The following ABCB9 variants were observed in gnomAD, a reference collection of about 807,000 sequenced individuals.
ABCB9 encodes the protein ABC-type oligopeptide transporter ABCB9.
In ABCB9, 36 loss-of-function variants were observed where a neutral mutation model predicts 62.0. That is an observed-to-expected ratio of 0.58 (90% CI 0.45 to 0.77). The LOEUF (loss-of-function observed/expected upper bound fraction) is 0.77, where lower values mean the gene tolerates loss of function less well. ABCB9 is among the 30% of genes least tolerant of loss of function. ABCB9 has a pLI of 0.00. For synonymous variants in ABCB9, 435 were observed against 461.4 expected, an observed-to-expected ratio of 0.94 and a Z score of 0.73; for missense variants, 943 against 1,054.7, an observed-to-expected ratio of 0.89 and a Z score of 1.47.
In ABCB9 at chr12:122,959,743, G is replaced by A; in HGVS notation, c.493C>T (p.Pro165Ser). ...GTGGCCCCAGACGCCTGCTCGGGCG[G>A]TGGCCGGCCGCTCCCAGGGAAGCCC... ...AEGFPGSGRP[P>S]PEQASGATLQ... The change falls in exon 2 of 12, where the codon CCG becomes TCG. Residue 165 changes from proline to serine, a missense_variant. By Grantham distance (74) the Pro-to-Ser change is moderately conservative (BLOSUM62 -1). Transcript: ENST00000280560. The surrounding 1 kb of genome is among the most constrained non-coding windows in gnomAD (Gnocchi z 5.4). 6.2e-7 allele frequency: 1 copy of A among 1,611,404 alleles called. No individual in the cohort carries two copies. Among genetic ancestry groups the A allele is most frequent in the South Asian group, 1.1e-5 (1 of 91,002 alleles).
At chr12:122,924,889 T>C (rs1366434542), downstream of ABCB9, 4 of 1,406,910 alleles carry the variant, frequency 2.8e-6, no homozygotes, top group Admixed American at 5.9e-5. Context: ...AAGTCATAAC[T>C]CTCCACACCC....
chr12:122,922,202 T>C (rs1232077304), intron 11 of ABCB9, among the ~76,000 whole-genome samples: 1 of 152,176 alleles, frequency 6.6e-6, no homozygotes, highest in Admixed American at 6.6e-5. Flanking sequence ...TGCCAGGGTT[T>C]GTTTAGTTTG....
chr12:122,929,901 G>C lies in ABCB9; in HGVS notation c.*10C>G. The stretch of plus-strand genomic sequence containing the variant: ...TCCTCTGCCCCACCGGGAGAAGCAG[G>C]GGCCCCCCATCAGGCCTTGTGACTG... On this transcript the variant is annotated 3_prime_UTR_variant, in exon 12 of 12. Transcript: ENST00000280560. This position sits in a 1 kb window ranked among gnomAD's most constrained non-coding sequence, Gnocchi z 6.0. The C allele has an allele frequency of 6.6e-7, 1 of 1,523,306 alleles. No individual in the cohort carries two copies. 94.4% of individuals were successfully genotyped at this position (1,523,306 alleles called of 1,614,324 possible). A position where few individuals can be genotyped will look rare whatever the true frequency, so the allele number is the denominator to read the frequency against.
chr12:122,950,347 C>T (rs1009561484), intron 3 of ABCB9, 104 bp downstream of exon 3: 1 of 1,150,118 alleles, frequency 8.7e-7, no homozygotes, highest in Non-Finnish European at 1.2e-6. Flanking sequence ...AGGGGCATTT[C>T]CAGGGCCTCC....
intron 7 of ABCB9, among the ~76,000 whole-genome samples, chr12:122,941,910 G>A (rs1012500853): frequency 6.6e-6 from 1 of 151,542 alleles, no homozygotes; most frequent in Non-Finnish European, 1.5e-5. Flanking sequence ...TGTATTTTCA[G>A]TAGAAATGGG....
At chr12:122,924,742 C>T, downstream of ABCB9, 1 of 1,533,800 alleles carries the variant, frequency 6.5e-7, no homozygotes, top group Non-Finnish European at 8.7e-7. Flanking sequence ...CCTCATCTGT[C>T]TCTCTGGCCA....
downstream of ABCB9, among the ~76,000 whole-genome samples, chr12:122,925,467 G>C (rs1247915606): frequency 1.3e-5 from 2 of 152,178 alleles, no homozygotes; most frequent in Admixed American, 1.3e-4. Context: ...ATGAATGTTG[G>C]GCCGGGCGCG....
Position 122,939,890 on chromosome 12 carries a change from G to A in ABCB9, c.1743+221C>T. 5.1e-6 allele frequency: 3 copies of A among 592,360 alleles called. No homozygotes were observed. The South Asian group carries it at 7.3e-5, about 14-fold the overall frequency. 36.7% of individuals were successfully genotyped at this position (592,360 alleles called of 1,614,324 possible). ...TATGTTGTCCAGGCTGGCCTCAAGGGATCCTCCAGCCTCAGCTTCCCAAAA... is the reference window on the plus strand; with the variant it reads ...TATGTTGTCCAGGCTGGCCTCAAGGAATCCTCCAGCCTCAGCTTCCCAAAA... On this transcript the variant is annotated intron_variant, in intron 9 of 11. Coordinates refer to ENST00000280560, the MANE Select transcript of ABCB9 (RefSeq NM_019625.4).
downstream of ABCB9, among the ~76,000 whole-genome samples, chr12:122,927,219 T>A (rs1365447964): frequency 6.6e-6 from 1 of 152,146 alleles, no homozygotes; most frequent in African/African-American, 2.4e-5. Context: ...TCACCCAGGC[T>A]GGAGTGCAGT....
rs1350103723 is a variant in ABCB9 at position 122,948,687 on chromosome 12, C to A, written c.990G>T (p.Leu330Phe). The change falls in exon 5 of 12, where the codon TTG becomes TTT. Residue 330 changes from leucine (L) to phenylalanine (F), a missense_variant. Leu to Phe is a conservative substitution (Grantham distance 22). Coordinates refer to ENST00000280560, the MANE Select transcript of ABCB9 (RefSeq NM_019625.4). ...TGATGGGGAAGCCCATGAAGGTGAC[C>A]AAGGAGAGCTGCCATGAGAGGCTGA... ...FMFSLSWQLS[L>F]VTFMGFPIIM... is the part of the protein sequence containing the mutation. The A allele has an allele frequency of 3.1e-6, 5 of 1,613,964 alleles. No individual in the cohort carries two copies. The highest frequency in any genetic ancestry group is 4.2e-6 in the Non-Finnish European group (5 of 1,179,912).
rs1269875288 is a variant in ABCB9 at position 122,964,939 on chromosome 12, G to A, written c.-88+1348C>T. Among the ~76,000 whole-genome samples the A allele has an allele frequency of 6.6e-6, 1 of 152,252 alleles. No homozygotes were observed. Among genetic ancestry groups the A allele is most frequent in the Non-Finnish European group, 1.5e-5 (1 of 68,044 alleles). On this transcript the variant is annotated intron_variant, in intron 1 of 11. Coordinates refer to ENST00000280560, the MANE Select transcript of ABCB9 (RefSeq NM_019625.4). This position sits in a 1 kb window ranked among gnomAD's most constrained non-coding sequence, Gnocchi z 4.7. ...GGGGTATCTCTAGGCATCAGCTGCA[G>A]AGAAGGCCAGAAGACGATAGATAGC...
chr12:122,929,751 A>G lies in ABCB9; in HGVS notation c.*160T>C, dbSNP rs2035036071. 11 of 1,406,778 alleles carry G rather than the reference A, an allele frequency of 7.8e-6. No homozygotes were observed. Among genetic ancestry groups the G allele is most frequent in the Non-Finnish European group, 1.0e-5 (11 of 1,081,172 alleles). 87.1% of individuals were successfully genotyped at this position (1,406,778 alleles called of 1,614,324 possible). Reference sequence around the variant, plus strand: ...GGAGTGCCCTGGGAATGGGGCAGGGACCAGGGGCAAGATGCAGGAAGCGGT... The same window carrying G: ...GGAGTGCCCTGGGAATGGGGCAGGGGCCAGGGGCAAGATGCAGGAAGCGGT... On this transcript the variant is annotated 3_prime_UTR_variant, in exon 12 of 12. Transcript: ENST00000280560. The surrounding 1 kb of genome is among the most constrained non-coding windows in gnomAD (Gnocchi z 6.0).
Position 122,950,737 on chromosome 12 carries a change from C to G in ABCB9, c.602-172G>C, listed in dbSNP as rs574852315. On this transcript the variant is annotated intron_variant, in intron 2 of 11. Coordinates refer to ENST00000280560, the MANE Select transcript of ABCB9 (RefSeq NM_019625.4). Reference sequence around the variant, plus strand: ...TGGGGCCCCAGGGTGCTTAATGCCCCCCTCCTCAGAGAACAGGGGAGCACT... The same window carrying G: ...TGGGGCCCCAGGGTGCTTAATGCCCGCCTCCTCAGAGAACAGGGGAGCACT... 195 of 577,074 alleles carry G rather than the reference C, an allele frequency of 3.4e-4. 2 individuals carry two copies. Among genetic ancestry groups the G allele is most frequent in the South Asian group, 2.3e-3 (107 of 47,554 alleles). 35.7% of individuals were successfully genotyped at this position (577,074 alleles called of 1,614,324 possible).
At position 122,955,824 on chromosome 12, in the gene ABCB9, G is replaced by T. The variant is rs2036589172; in HGVS notation, c.601+3811C>A. Reference sequence around the variant, plus strand: ...CCTCCTGGGTTCAAGATATCCTCCTGCATCAGCCTTCTGAGTAGCTGGGAT... The same window carrying T: ...CCTCCTGGGTTCAAGATATCCTCCTTCATCAGCCTTCTGAGTAGCTGGGAT... On this transcript the variant is annotated intron_variant, in intron 2 of 11. Coordinates refer to ENST00000280560, the MANE Select transcript of ABCB9 (RefSeq NM_019625.4). 2.0e-5 allele frequency among the ~76,000 whole-genome samples: 3 copies of T among 151,270 alleles called. No homozygotes were observed. In the South Asian group the frequency reaches 6.2e-4, roughly 31 times the overall value.
downstream of ABCB9, among the ~76,000 whole-genome samples, chr12:122,920,629 G>C (rs946238709): frequency 6.6e-6 from 1 of 152,138 alleles, no homozygotes; most frequent in Non-Finnish European, 1.5e-5. Context: ...AGTGGGCCAG[G>C]CATAGTGGCT....
intron 10 of ABCB9, among the ~76,000 whole-genome samples, chr12:122,933,064 A>G (rs1446917592): frequency 6.6e-6 from 1 of 152,050 alleles, no homozygotes; most frequent in East Asian, 1.9e-4. Context: ...CTAACTTAAA[A>G]TATTTTTCTG....
At chr12:122,946,749 G>A (rs529286956) in intron 5 of ABCB9, among the ~76,000 whole-genome samples, 2 of 152,354 alleles carry the variant, frequency 1.3e-5, no homozygotes, top group African/African-American at 4.8e-5. Flanking sequence ...GGGGCCATGG[G>A]TTGTGAAATC....
Position 122,930,773 on chromosome 12 carries a change from T to C in ABCB9, c.2041-602A>G, listed in dbSNP as rs1416571144. Among the ~76,000 whole-genome samples, 3 of 152,150 alleles carry C rather than the reference T, an allele frequency of 2.0e-5. 1 individual carries two copies. Among genetic ancestry groups the C allele is most frequent in the South Asian group, 4.1e-4 (2 of 4,832 alleles). On this transcript the variant is annotated intron_variant, in intron 11 of 11. Coordinates refer to ENST00000280560, the MANE Select transcript of ABCB9 (RefSeq NM_019625.4). The surrounding 1 kb of genome is among the most constrained non-coding windows in gnomAD (Gnocchi z 4.9). ...CACCATGGGGACAAGGGTCTTTGTC[T>C]AGTTAGCCCACGATAACCCCAGAAT...
upstream of ABCB9, chr12:122,966,612 A>G (rs1486410722): frequency 2.7e-5 from 4 of 146,006 alleles, no homozygotes; most frequent in African/African-American, 7.6e-5. Flanking sequence ...GGGGCCCCCG[A>G]GGAGGGGGCT....
Sources: gnomAD v4.1 joint callset for allele counts (sites outside exome capture counted in the v4.1 genomes callset) on GRCh38, gnomAD v4.1.1 for gene constraint, Gnocchi (gnomAD v3.1) non-coding constraint, MANE v1.5 for transcripts, NCBI Gene and HGNC (gene_info 2026-07-23, HGNC 2026-07-21) for gene names.